PLEKHA1: variants seen among roughly 807,000 people sequenced by gnomAD.
PLEKHA1 encodes the protein pleckstrin homology domain-containing family A member 1.
PLEKHA1 carries 34 observed loss-of-function variants against 52.0 expected under a neutral mutation model. The observed-to-expected ratio is 0.65, with a 90% CI of 0.50 to 0.87. PLEKHA1 has a LOEUF of 0.87. PLEKHA1 is among the 40% of genes least tolerant of loss of function. The probability of loss-of-function intolerance (pLI) is 0.00; values close to 1 mark genes in which losing one functional copy is unlikely to be tolerated. For missense variants in PLEKHA1, 497 were observed against 504.2 expected (o/e 0.99, Z 0.14); for synonymous variants, 163 against 170.7 (o/e 0.95, Z 0.35).
intron 5 of PLEKHA1, chr10:122,411,659 G>T (rs967790800): frequency 6.6e-6 from 1 of 152,160 alleles, no homozygotes. Context: ...AGGGGAATCT[G>T]AAGTTTTAAA....
In PLEKHA1 at chr10:122,429,922, C is replaced by A. The variant is rs61757728; in HGVS notation, c.1199C>A (p.Pro400Gln). ...GTAGACTTGGACGATGCGAGCCTTC[C>A]GGTCAGTGACGTGTGAGGCAGAAGC... ...DLVDLDDASL[P>Q]VSDV is the part of the protein sequence containing the mutation. The change falls in exon 12 of 12, where the codon CCG (proline) becomes CAG (glutamine). Residue 400 changes from proline (P) to glutamine (Q), a missense_variant. Pro to Gln is a moderately conservative substitution (Grantham distance 76). Transcript: ENST00000368990. 5 of 1,612,390 alleles carry A rather than the reference C, an allele frequency of 3.1e-6. No homozygotes were observed. The highest frequency in any genetic ancestry group is 4.2e-6 in the Non-Finnish European group (5 of 1,178,992).
At chr10:122,426,895 G>C (rs757825820) in intron 10 of PLEKHA1, 47 bp from the exon 11 acceptor site, 1 of 1,454,980 alleles carries the variant, frequency 6.9e-7, no homozygotes, top group East Asian at 2.3e-5. Context: ...TATAGAAGTA[G>C]GTGATTTTGA....
the PLEKHA1 span, chr10:122,440,774 T>G: frequency 6.6e-6 from 1 of 152,266 alleles, no homozygotes; most frequent in East Asian, 1.9e-4. Flanking sequence ...AATCCAGCTC[T>G]TTGTTGATTA....
At chr10:122,409,524 A>G (rs559378085) in intron 5 of PLEKHA1, among the ~76,000 whole-genome samples, 1 of 152,326 alleles carries the variant, frequency 6.6e-6, no homozygotes, top group East Asian at 1.9e-4. Flanking sequence ...TAAGATATAT[A>G]TGGTTTATTC....
At chr10:122,413,146 TATAC>T (rs1334159418) in intron 6 of PLEKHA1, 101 bp downstream of exon 6, 1 of 985,728 alleles carries the variant, frequency 1.0e-6, no homozygotes, top group African/African-American at 1.7e-5. Context: ...ATTGGTATAA[TATAC>T]AATTACTATA....
At chr10:122,377,047 C>A (rs564329996) in intron 1 of PLEKHA1, among the ~76,000 whole-genome samples, 71 of 152,102 alleles carry the variant, frequency 4.7e-4, no homozygotes, top group African/African-American at 1.7e-3. Flanking sequence ...TGCTGCAAAT[C>A]CCGAAGTTAT....
At chr10:122,382,995 A>G (rs1283067411) in intron 1 of PLEKHA1, among the ~76,000 whole-genome samples, 1 of 152,186 alleles carries the variant, frequency 6.6e-6, no homozygotes, top group Non-Finnish European at 1.5e-5. Context: ...CTTGCCAGCA[A>G]TGTAAGAGTT....
intron 1 of PLEKHA1, among the ~76,000 whole-genome samples, chr10:122,384,558 G>T (rs1033088873): frequency 2.7e-5 from 4 of 146,520 alleles, no homozygotes; most frequent in African/African-American, 1.0e-4. Context: ...GCAGTGCGCC[G>T]AGATCGTGCC....
chr10:122,429,312 A>G (rs2097389008), intron 11 of PLEKHA1, among the ~76,000 whole-genome samples: 1 of 152,156 alleles, frequency 6.6e-6, no homozygotes, highest in African/African-American at 2.4e-5. Flanking sequence ...GGAACACTGT[A>G]TTTCAGTTTA....
At chr10:122,386,308 G>GTTT (rs67952302) in intron 1 of PLEKHA1, among the ~76,000 whole-genome samples, 14 of 148,384 alleles carry the variant, frequency 9.4e-5, no homozygotes, top group African/African-American at 3.2e-4. Context: ...TGTGTTCCAA[G>GTTT]TTTTTTTTTT....
chr10:122,442,282 TTG>T, the PLEKHA1 span: 1 of 152,164 alleles, frequency 6.6e-6, no homozygotes, highest in African/African-American at 2.4e-5. Flanking sequence ...TTTTTTTCTT[TTG>T]TGAGCCTAAG....
intron 8 of PLEKHA1, chr10:122,419,469 T>G (rs1177177121): frequency 6.6e-6 from 1 of 152,202 alleles, no homozygotes; most frequent in Non-Finnish European, 1.5e-5. Context: ...GCTATCCTTG[T>G]GCTTGGTTAG....
In PLEKHA1 at chr10:122,396,662, A is replaced by G. The variant is rs543793926; in HGVS notation, c.142-1256A>G. On this transcript the variant is annotated intron_variant, in intron 2 of 11. Coordinates refer to ENST00000368990, the MANE Select transcript of PLEKHA1 (RefSeq NM_001001974.4). ...CATTAGAACAAGCCAATAGATTTTT[A>G]TATTTTTAAGTACGTTATTATAAAG... 5.3e-5 allele frequency among the ~76,000 whole-genome samples: 8 copies of G among 152,162 alleles called. No individual in the cohort carries two copies. The South Asian group carries it at 1.0e-3, about 20-fold the overall frequency.
intron 1 of PLEKHA1, among the ~76,000 whole-genome samples, chr10:122,382,861 T>C (rs557916485): frequency 1.3e-5 from 2 of 152,354 alleles, no homozygotes; most frequent in African/African-American, 4.8e-5. Flanking sequence ...TCTGGAAGTC[T>C]TGTTATACCT....
rs1323368339 is a variant in PLEKHA1 at position 122,393,196 on chromosome 10, CAG to C, written c.-3_-2del. On this transcript the variant is annotated 5_prime_UTR_variant, in exon 2 of 12. Coordinates refer to ENST00000368990, the MANE Select transcript of PLEKHA1 (RefSeq NM_001001974.4). This position sits in a 1 kb window ranked among gnomAD's most constrained non-coding sequence, Gnocchi z 4.5. ...TATTTTACAGTGTAATGTTCAAGCTCAGAAATGCCTTATGTGGATCGTCAGAA... is the reference window on the plus strand; with the variant it reads ...TATTTTACAGTGTAATGTTCAAGCTCAAATGCCTTATGTGGATCGTCAGAA... The C allele has an allele frequency of 2.5e-6, 4 of 1,606,552 alleles. No individual in the cohort carries two copies. Among genetic ancestry groups the C allele is most frequent in the Non-Finnish European group, 2.5e-6 (3 of 1,177,038 alleles).
At chr10:122,429,364 G>A (rs2097389996) in intron 11 of PLEKHA1, among the ~76,000 whole-genome samples, 1 of 152,156 alleles carries the variant, frequency 6.6e-6, no homozygotes, top group African/African-American at 2.4e-5. Context: ...GCCAAATTCA[G>A]CTTTGGTGAC....
intron 1 of PLEKHA1, among the ~76,000 whole-genome samples, chr10:122,379,599 G>C (rs1199967204): frequency 1.3e-5 from 2 of 152,226 alleles, no homozygotes; most frequent in Non-Finnish European, 2.9e-5. Flanking sequence ...AAGACTTACA[G>C]TTCTTTCCCT....
At chr10:122,414,969 A>C (rs1272053445) in intron 6 of PLEKHA1, among the ~76,000 whole-genome samples, 1 of 152,108 alleles carries the variant, frequency 6.6e-6, no homozygotes, top group South Asian at 2.1e-4. Context: ...TTTATCGTAG[A>C]GAAAGGGAAA....
chr10:122,415,868 GTAAA>G lies in PLEKHA1; in HGVS notation c.480_483del (p.Glu162ValfsTer10). The stretch of plus-strand genomic sequence containing the variant: ...TTTTGCTTCATTTTAGAAAGAAGAA[GTAAA>G]TGAATGTGGTGAAAGTATTGACAGA... On this transcript the variant is annotated frameshift_variant, in exon 7 of 12. Coordinates refer to ENST00000368990, the MANE Select transcript of PLEKHA1 (RefSeq NM_001001974.4). LOFTEE classifies it high-confidence loss of function. 6.2e-7 allele frequency: 1 copy of G among 1,609,322 alleles called. No homozygotes were observed. Among genetic ancestry groups the G allele is most frequent in the Non-Finnish European group, 8.5e-7 (1 of 1,177,202 alleles).
Sources: gnomAD v4.1 joint callset for allele counts (sites outside exome capture counted in the v4.1 genomes callset) on GRCh38, gnomAD v4.1.1 for gene constraint, Gnocchi (gnomAD v3.1) non-coding constraint, MANE v1.5 for transcripts, NCBI Gene and HGNC (gene_info 2026-07-23, HGNC 2026-07-21) for gene names.